Variants in CACNA2D2 observed in about 807,000 individuals in gnomAD.
CACNA2D2 encodes calcium voltage-gated channel auxiliary subunit alpha2delta 2.
In CACNA2D2, 48 loss-of-function variants were observed where a neutral mutation model predicts 166.4. The observed-to-expected ratio is 0.29, with a 90% CI of 0.23 to 0.37. The LOEUF (loss-of-function observed/expected upper bound fraction) is 0.37, where lower values mean the gene tolerates loss of function less well. CACNA2D2 is among the 10% of genes least tolerant of loss of function. The probability of loss-of-function intolerance (pLI) is 1.00; values close to 1 mark genes in which losing one functional copy is unlikely to be tolerated. For missense variants in CACNA2D2, 1,122 were observed against 1,433.0 expected (o/e 0.78, Z 3.50); for synonymous variants, 561 against 573.7 (o/e 0.98, Z 0.32).
intron 2 of CACNA2D2, among the ~76,000 whole-genome samples, chr3:50,439,301 T>G (rs1708484232): frequency 6.6e-6 from 1 of 152,156 alleles, no homozygotes; most frequent in Non-Finnish European, 1.5e-5. Context: ...CCCAATCGAC[T>G]AAGCACCCAC....
chr3:50,401,727 G>T (rs1472761412), intron 3 of CACNA2D2, among the ~76,000 whole-genome samples: 1 of 151,540 alleles, frequency 6.6e-6, no homozygotes. Context: ...TGTTTTTTTT[G>T]AGATGGAGTC....
intron 3 of CACNA2D2, among the ~76,000 whole-genome samples, chr3:50,400,242 G>T (rs78774201): frequency 0.013 from 1,957 of 152,326 alleles, 47 homozygotes; most frequent in African/African-American, 0.044. Flanking sequence ...GACAGTAGGG[G>T]CAGAAGTGCA....
chr3:50,435,156 A>T (rs866187247), intron 2 of CACNA2D2, among the ~76,000 whole-genome samples: 25 of 132,962 alleles, frequency 1.9e-4, no homozygotes, highest in Middle Eastern at 3.8e-3. Flanking sequence ...TGTGTGTGTG[A>T]GGGCTCAACA....
rs1419711864 is a variant in CACNA2D2, at chr3:50,363,292, TGAC to T, written c.*1371_*1373del. 1.3e-5 allele frequency: 5 copies of T among 398,618 alleles called. No individual in the cohort carries two copies. The highest frequency in any genetic ancestry group is 2.2e-5 in the Non-Finnish European group (5 of 226,056). 24.7% of individuals were successfully genotyped at this position (398,618 alleles called of 1,614,324 possible). On this transcript the variant is annotated 3_prime_UTR_variant, in exon 38 of 38. Transcript: ENST00000424201. ...CACACTGAGAAAGCGACAAGCAACA[TGAC>T]ATTAATTAACGAAGCCATTAATTAA...
chr3:50,430,402 T>C (rs768700819), intron 3 of CACNA2D2, among the ~76,000 whole-genome samples: 1 of 152,214 alleles, frequency 6.6e-6, no homozygotes, highest in Non-Finnish European at 1.5e-5. Flanking sequence ...CTTCAAGAGA[T>C]TGTTCACACT....
chr3:50,455,697 A>G (rs1295158662), intron 2 of CACNA2D2, among the ~76,000 whole-genome samples: 3 of 152,038 alleles, frequency 2.0e-5, no homozygotes, highest in Non-Finnish European at 4.4e-5. Flanking sequence ...CAGCCCCCAG[A>G]TGGTGACACC....
At chr3:50,377,349 C>T (rs963857012) in intron 17 of CACNA2D2, 118 bp downstream of exon 17, 3 of 821,370 alleles carry the variant, frequency 3.7e-6, no homozygotes, top group East Asian at 2.7e-5. Context: ...AAGCCTTCCC[C>T]GACCCCTGAA....
intron 2 of CACNA2D2, among the ~76,000 whole-genome samples, chr3:50,454,509 G>A (rs1175766628): frequency 6.6e-6 from 1 of 152,192 alleles, no homozygotes; most frequent in Non-Finnish European, 1.5e-5. Context: ...ATCAGGGCCT[G>A]GGAAAGCAAT....
rs1488083949 is a variant in CACNA2D2 at position 50,364,175 on chromosome 3, G to GC, written c.*490dup. ...AAAGGGGCAGGAGCCCATGGGGGCT[G>GC]CCCCAGAGCCTCTCTCCTGCTAGGA... On this transcript the variant is annotated 3_prime_UTR_variant, in exon 38 of 38. Transcript: ENST00000424201. 6.2e-6 allele frequency: 1 copy of GC among 161,632 alleles called. No individual in the cohort carries two copies. The highest frequency in any genetic ancestry group is 1.3e-5 in the Non-Finnish European group (1 of 74,382). 10.0% of individuals were successfully genotyped at this position (161,632 alleles called of 1,614,324 possible). A position where few individuals can be genotyped will look rare whatever the true frequency, so the allele number is the denominator to read the frequency against.
intron 22 of CACNA2D2, among the ~76,000 whole-genome samples, chr3:50,372,128 TCTCA>T (rs1205265724): frequency 6.6e-6 from 1 of 152,086 alleles, no homozygotes; most frequent in Non-Finnish European, 1.5e-5. Context: ...TGCTGTCCTC[TCTCA>T]CTCCCCTTAC....
At position 50,380,956 on chromosome 3, in the gene CACNA2D2, G is replaced by A. The variant is rs757473111; in HGVS notation, c.784+39C>T. The A allele has an allele frequency of 2.5e-6, 4 of 1,609,508 alleles. No individual in the cohort carries two copies. Among genetic ancestry groups the A allele is most frequent in the South Asian group, 1.1e-5 (1 of 90,692 alleles). ...GGTGGGCTGGTAGATGGAGAAAGGC[G>A]AGGTGCTGGGTAGACAGGGGACAGG... On this transcript the variant is annotated intron_variant, in intron 7 of 37. Transcript: ENST00000424201. The surrounding 1 kb of genome is among the most constrained non-coding windows in gnomAD (Gnocchi z 4.9).
chr3:50,426,733 G>A (rs1433951721), intron 3 of CACNA2D2, among the ~76,000 whole-genome samples: 1 of 152,120 alleles, frequency 6.6e-6, no homozygotes. Context: ...CAGGAGAAGG[G>A]CCTGCTCCAC....
chr3:50,378,395 G>T, intron 13 of CACNA2D2, 62 bp from the exon 14 acceptor site: 1 of 1,491,934 alleles, frequency 6.7e-7, no homozygotes, highest in Non-Finnish European at 9.1e-7. Flanking sequence ...TGTGCAGAGG[G>T]CCCTGCCCCT....
intron 1 of CACNA2D2, among the ~76,000 whole-genome samples, chr3:50,480,067 G>C (rs1037787051): frequency 6.6e-6 from 1 of 152,150 alleles, no homozygotes; most frequent in Non-Finnish European, 1.5e-5. Flanking sequence ...AATGTGCCCA[G>C]CCCTAGGGAG....
At chr3:50,382,247 C>G (rs193143950) in intron 6 of CACNA2D2, among the ~76,000 whole-genome samples, 39 of 152,304 alleles carry the variant, frequency 2.6e-4, no homozygotes, top group African/African-American at 8.2e-4. Flanking sequence ...CCTCCTTCCT[C>G]CTTCAGGGAC....
chr3:50,450,540 G>A (rs1709047103), intron 2 of CACNA2D2, among the ~76,000 whole-genome samples: 1 of 152,206 alleles, frequency 6.6e-6, no homozygotes, highest in South Asian at 2.1e-4. Flanking sequence ...CCAGAGCCAG[G>A]AAAGGAGCAC....
In CACNA2D2 at chr3:50,365,496, G is replaced by C. The variant is rs1347534730; in HGVS notation, c.2972-14C>G. ...CCTCCGCGGGGTCTGCGAGGGCCCA[G>C]AGCGCCTCAGCTCCGCCCACAGACC... On this transcript the variant is annotated splice_polypyrimidine_tract_variant and intron_variant, in intron 34 of 37. Coordinates refer to ENST00000424201, the MANE Select transcript of CACNA2D2 (RefSeq NM_006030.4). This position sits in a 1 kb window ranked among gnomAD's most constrained non-coding sequence, Gnocchi z 4.5. 3 of 1,612,574 alleles carry C rather than the reference G, an allele frequency of 1.9e-6. No homozygotes were observed. The highest frequency in any genetic ancestry group is 1.1e-5 in the South Asian group (1 of 90,956).
At chr3:50,446,154 C>A (rs1241905273) in intron 2 of CACNA2D2, among the ~76,000 whole-genome samples, 1 of 152,240 alleles carries the variant, frequency 6.6e-6, no homozygotes, top group Non-Finnish European at 1.5e-5. Flanking sequence ...TCAGGGGAGG[C>A]ACATGCTGTG....
chr3:50,484,130 G>A (rs1336664681), intron 1 of CACNA2D2, among the ~76,000 whole-genome samples: 2 of 152,128 alleles, frequency 1.3e-5, no homozygotes, highest in Non-Finnish European at 2.9e-5. Flanking sequence ...CTCTGCTGAT[G>A]GCAGCTCCCT....
Sources: allele counts gnomAD v4.1 joint callset (sites outside exome capture counted in the v4.1 genomes callset), GRCh38; gene constraint gnomAD v4.1.1; non-coding constraint Gnocchi (gnomAD v3.1); transcripts MANE v1.5; gene names NCBI Gene and HGNC (gene_info 2026-07-23, HGNC 2026-07-21).